Variants in AP1S3 observed in about 807,000 individuals in gnomAD.
The protein encoded by AP1S3 is AP-1 complex subunit sigma-3.
A neutral mutation model predicts 20.9 loss-of-function variants in AP1S3; 10 were observed. That is an observed-to-expected ratio of 0.48 (90% CI 0.29 to 0.81). The LOEUF (loss-of-function observed/expected upper bound fraction) is 0.81, where lower values mean the gene tolerates loss of function less well. Ranked by LOEUF, AP1S3 falls within the 30% of genes least tolerant of loss-of-function variation. The pLI is 0.08. For synonymous variants in AP1S3, 41 were observed against 61.5 expected (o/e 0.67, Z 1.56); for missense variants, 154 against 183.8 (o/e 0.84, Z 0.94).
chr2:223,817,559 G>A (rs1164068691), intron 1 of AP1S3, among the ~76,000 whole-genome samples: 1 of 142,628 alleles, frequency 7.0e-6, no homozygotes, highest in Non-Finnish European at 1.5e-5. Flanking sequence ...AGTGAGCCGA[G>A]ATCGCACCAT....
chr2:223,816,577 C>T (rs1300431915), intron 1 of AP1S3, among the ~76,000 whole-genome samples: 1 of 152,136 alleles, frequency 6.6e-6, no homozygotes. Flanking sequence ...ATGACTGAGC[C>T]CAAAGGCTAG....
rs115756307 is a variant in AP1S3 at position 223,816,143 on chromosome 2, C to T, written c.3+21305G>A. On this transcript the variant is annotated intron_variant, in intron 1 of 4. Transcript: ENST00000396654. ...GTCAAGTTCCTTTCTTCAAGTTCCA[C>T]GGGCATACAGCGTGTCATTTTGCTT... Among the ~76,000 whole-genome samples, 837 of 152,204 alleles carry T rather than the reference C, an allele frequency of 5.5e-3. 7 individuals are homozygous for T. The highest frequency in any genetic ancestry group is 0.019 in the African/African-American group (796 of 41,514).
chr2:223,790,666 T>C (rs1430533146), intron 1 of AP1S3, among the ~76,000 whole-genome samples: 1 of 152,224 alleles, frequency 6.6e-6, no homozygotes, highest in Non-Finnish European at 1.5e-5. Context: ...TATATATTTA[T>C]GGTATAAAAT....
At chr2:223,817,990 C>A (rs897356754) in intron 1 of AP1S3, among the ~76,000 whole-genome samples, 3 of 152,032 alleles carry the variant, frequency 2.0e-5, no homozygotes, top group African/African-American at 7.3e-5. Context: ...ATTGTTTAAT[C>A]CACAAATCTA....
Position 223,757,291 on chromosome 2 carries a change from C to T in AP1S3, c.*1424G>A. On this transcript the variant is annotated 3_prime_UTR_variant, in exon 5 of 5. Coordinates refer to ENST00000396654, the MANE Select transcript of AP1S3 (RefSeq NM_001039569.2). The stretch of plus-strand genomic sequence containing the variant: ...GCCTCAGCCTCCCAAGTAGCTGGGA[C>T]TACAGGCACGCACCACCACTCCCGG... 6.5e-6 allele frequency: 1 copy of T among 154,706 alleles called. No individual in the cohort carries two copies. Among genetic ancestry groups the T allele is most frequent in the Non-Finnish European group, 1.4e-5 (1 of 70,208 alleles). 9.6% of individuals were successfully genotyped at this position (154,706 alleles called of 1,614,324 possible).
intron 3 of AP1S3, among the ~76,000 whole-genome samples, chr2:223,769,873 T>C (rs1483524956): frequency 6.6e-6 from 1 of 150,744 alleles, no homozygotes; most frequent in Non-Finnish European, 1.5e-5. Context: ...GCCTCCCGAG[T>C]AGCTGGGACT....
At chr2:223,777,211 C>T (rs1039167773) in intron 2 of AP1S3, among the ~76,000 whole-genome samples, 1 of 152,188 alleles carries the variant, frequency 6.6e-6, no homozygotes, top group African/African-American at 2.4e-5. Context: ...GCCTGGCCAA[C>T]ATGGTGAAAC....
intron 1 of AP1S3, among the ~76,000 whole-genome samples, chr2:223,819,616 A>G (rs1038786930): frequency 7.5e-6 from 1 of 132,534 alleles, no homozygotes; most frequent in Non-Finnish European, 1.7e-5. Flanking sequence ...AAAAAAAATT[A>G]AAGTCCTATC....
At chr2:223,805,668 C>T (rs1276199597) in intron 1 of AP1S3, among the ~76,000 whole-genome samples, 1 of 152,150 alleles carries the variant, frequency 6.6e-6, no homozygotes, top group Admixed American at 6.6e-5. Context: ...AGAACTATGT[C>T]TAACTTCTTA....
chr2:223,767,702 T>C (rs1690516081), intron 3 of AP1S3, among the ~76,000 whole-genome samples: 1 of 152,046 alleles, frequency 6.6e-6, no homozygotes. Flanking sequence ...TACCTACCTA[T>C]TCCTCAATCC....
chr2:223,834,311 C>T (rs1049891262), intron 1 of AP1S3, among the ~76,000 whole-genome samples: 1 of 152,130 alleles, frequency 6.6e-6, no homozygotes, highest in African/African-American at 2.4e-5. Flanking sequence ...AAAAATTCCA[C>T]TGGGCCCAAT....
chr2:223,827,217 G>A (rs1692150001), intron 1 of AP1S3, among the ~76,000 whole-genome samples: 1 of 152,114 alleles, frequency 6.6e-6, no homozygotes, highest in African/African-American at 2.4e-5. Context: ...TTATGTAGTG[G>A]ACTTAGAACT....
chr2:223,802,239 G>C (rs1691485400), intron 1 of AP1S3, among the ~76,000 whole-genome samples: 1 of 152,048 alleles, frequency 6.6e-6, no homozygotes, highest in Non-Finnish European at 1.5e-5. Context: ...TAAGGAAGGA[G>C]GGGAGGAAGG....
chr2:223,818,654 G>A (rs555067339), intron 1 of AP1S3, among the ~76,000 whole-genome samples: 4 of 152,166 alleles, frequency 2.6e-5, no homozygotes, highest in African/African-American at 9.6e-5. Flanking sequence ...CTGGGTTCAA[G>A]CTATTCTCCT....
At chr2:223,778,111 G>GTTTT (rs200511089) in intron 1 of AP1S3, among the ~76,000 whole-genome samples, 3 of 149,530 alleles carry the variant, frequency 2.0e-5, no homozygotes, top group African/African-American at 7.5e-5. Flanking sequence ...GTTTTTTTTT[G>GTTTT]TTTTTTTTGT....
At chr2:223,831,695 A>C (rs1692261393) in intron 1 of AP1S3, among the ~76,000 whole-genome samples, 1 of 152,216 alleles carries the variant, frequency 6.6e-6, no homozygotes, top group African/African-American at 2.4e-5. Flanking sequence ...ACAGAACCAC[A>C]GTGAAGTTTC....
chr2:223,802,786 A>G (rs1455617373), intron 1 of AP1S3, among the ~76,000 whole-genome samples: 1 of 152,076 alleles, frequency 6.6e-6, no homozygotes, highest in East Asian at 1.9e-4. Flanking sequence ...GTTTTGATCT[A>G]CCCCATGGTT....
At chr2:223,794,494 A>T (rs768530674) in intron 1 of AP1S3, among the ~76,000 whole-genome samples, 1 of 152,182 alleles carries the variant, frequency 6.6e-6, no homozygotes, top group Admixed American at 6.5e-5. Context: ...TTTTCTCCAG[A>T]TACAATAAAC....
At chr2:223,790,587 A>G (rs1691194227) in intron 1 of AP1S3, among the ~76,000 whole-genome samples, 1 of 152,132 alleles carries the variant, frequency 6.6e-6, no homozygotes, top group Admixed American at 6.5e-5. Flanking sequence ...GGTTCATAGA[A>G]TAAGGATGTC....
Sources: allele counts gnomAD v4.1 joint callset (sites outside exome capture counted in the v4.1 genomes callset), GRCh38; gene constraint gnomAD v4.1.1; transcripts MANE v1.5; gene names NCBI Gene and HGNC (gene_info 2026-07-23, HGNC 2026-07-21).